Variants in NAE1 observed in about 807,000 individuals in gnomAD.
The protein encoded by NAE1 is NEDD8-activating enzyme E1 regulatory subunit.
In NAE1, 59 loss-of-function variants were observed where a neutral mutation model predicts 88.0. The observed-to-expected ratio is 0.67, with a 90% CI of 0.54 to 0.83. The LOEUF is 0.83. NAE1 is among the 40% of genes least tolerant of loss of function. The probability of loss-of-function intolerance (pLI) is 0.00; values close to 1 mark genes in which losing one functional copy is unlikely to be tolerated. For synonymous variants in NAE1, 186 were observed against 208.9 expected, an observed-to-expected ratio of 0.89 and a Z score of 0.95; for missense variants, 554 against 632.8, an observed-to-expected ratio of 0.88 and a Z score of 1.34.
At chr16:66,813,399 C>A in intron 13 of NAE1, 165 bp downstream of exon 13, 1 of 824,010 alleles carries the variant, frequency 1.2e-6, no homozygotes. Flanking sequence ...CCTTGGCCTC[C>A]CAAAGTGTTG....
In NAE1 at chr16:66,826,729, T is replaced by A. The variant is rs758818073; in HGVS notation, c.105A>T (p.Leu35=). The change falls in exon 2 of 20, where the codon CTA becomes CTT. Residue 35 remains leucine, a synonymous_variant. Coordinates refer to ENST00000290810, the MANE Select transcript of NAE1 (RefSeq NM_003905.4). ...QEALESAHVC[L]INATATGTEI... ...CAGTTCCTGTGGCTGTTGCATTTATTAGGCAAACATGAGCAGATTCTAAAG... is the reference window on the plus strand; with the variant it reads ...CAGTTCCTGTGGCTGTTGCATTTATAAGGCAAACATGAGCAGATTCTAAAG... 1.9e-5 allele frequency: 31 copies of A among 1,614,050 alleles called. No individual in the cohort carries two copies. Among genetic ancestry groups the A allele is most frequent in the Non-Finnish European group, 2.5e-5 (30 of 1,180,030 alleles).
chr16:66,810,873 C>T (rs1959769168), intron 13 of NAE1, 101 bp from the exon 14 acceptor site: 3 of 956,896 alleles, frequency 3.1e-6, no homozygotes, highest in Non-Finnish European at 4.9e-6. Flanking sequence ...TGAAAAAACA[C>T]AGGTCTGACA....
intron 11 of NAE1, 79 bp downstream of exon 11, chr16:66,816,502 A>G: frequency 9.9e-7 from 1 of 1,012,910 alleles, no homozygotes; most frequent in Non-Finnish European, 1.5e-6. Flanking sequence ...AACTTAAATC[A>G]TTATAGTCAA....
intron 1 of NAE1, 62 bp downstream of exon 1, chr16:66,830,785 G>C (rs1960662319): frequency 2.0e-6 from 3 of 1,469,568 alleles, no homozygotes; most frequent in East Asian, 5.6e-5. Context: ...CGCGCCCTTA[G>C]GCCCGGCCCG....
chr16:66,818,528 C>CT lies in NAE1; in HGVS notation c.620dup (p.Asp208GlyfsTer13). 1 of 1,606,688 alleles carries CT rather than the reference C, an allele frequency of 6.2e-7. No individual in the cohort carries two copies. Among genetic ancestry groups the CT allele is most frequent in the Non-Finnish European group, 8.5e-7 (1 of 1,177,360 alleles). On this transcript the variant is annotated frameshift_variant and splice_region_variant, in exon 8 of 20. Coordinates refer to ENST00000290810, the MANE Select transcript of NAE1 (RefSeq NM_003905.4). LOFTEE classifies it high-confidence loss of function. ...ATGTAAGGTCACACACACTACCAACCTTTTTTTCCATATGATCCAAATCAT... is the reference window on the plus strand; with the variant it reads ...ATGTAAGGTCACACACACTACCAACCTTTTTTTTCCATATGATCCAAATCAT...
chr16:66,806,096 T>C lies in NAE1; in HGVS notation c.1331-70A>G, dbSNP rs569356121. 1.5e-4 allele frequency: 219 copies of C among 1,465,092 alleles called. No individual in the cohort carries two copies. The African/African-American group carries it at 2.7e-3, about 18-fold the overall frequency. 90.8% of individuals were successfully genotyped at this position (1,465,092 alleles called of 1,614,324 possible). ...ATTAATGGCCAACTCCTTTATTTAA[T>C]CTAGTTTCAGATGTTCTAGTCAAAA... On this transcript the variant is annotated intron_variant, in intron 17 of 19. Transcript: ENST00000290810.
At chr16:66,818,668 T>G in intron 7 of NAE1, 31 bp from the exon 8 acceptor site, 1 of 1,574,298 alleles carries the variant, frequency 6.4e-7, no homozygotes, top group African/African-American at 1.4e-5. Flanking sequence ...AAGGATAAAT[T>G]TAACACTTAA....
rs1321633224 is a variant in NAE1 at position 66,830,887 on chromosome 16, C to T, written c.13G>A (p.Gly5Arg). MAQL[G>R]KLLKEQKYDR... ...TACTTCTGCTCCTTGAGCAGCTTTC[C>T]CAGCTGCGCCATGGCCGCGCCTGCC... The change falls in exon 1 of 20, where the codon GGA (glycine) becomes AGA (arginine). Residue 5 changes from glycine (G) to arginine (R), a missense_variant. Coordinates refer to ENST00000290810, the MANE Select transcript of NAE1 (RefSeq NM_003905.4). 1.3e-6 allele frequency: 2 copies of T among 1,536,794 alleles called. No homozygotes were observed. Among genetic ancestry groups the T allele is most frequent in the Non-Finnish European group, 1.7e-6 (2 of 1,150,898 alleles).
chr16:66,815,781 C>A (rs1258205259), intron 11 of NAE1, among the ~76,000 whole-genome samples: 1 of 151,926 alleles, frequency 6.6e-6, no homozygotes, highest in Non-Finnish European at 1.5e-5. Flanking sequence ...CCTGCCTCAG[C>A]CTCCCAAGCA....
Position 66,823,554 on chromosome 16 carries a change from T to C in NAE1, c.296A>G (p.Asp99Gly). Residue 99 changes from aspartate to glycine, a missense_variant, in exon 5 of 20, where the codon GAT (aspartate) becomes GGT (glycine). Transcript: ENST00000290810. ...CTCTTCCACAAAACTTCCAGAGACA[T>C]CGCTATTTAATTCTTGTAAGAATTC... Reference protein sequence around the residue: ...AMEFLQELNSDVSGSFVEESP... With the variant: ...AMEFLQELNSGVSGSFVEESP... 1 of 1,611,940 alleles carries C rather than the reference T, an allele frequency of 6.2e-7. No individual in the cohort carries two copies. Among genetic ancestry groups the C allele is most frequent in the Non-Finnish European group, 8.5e-7 (1 of 1,179,456 alleles).
intron 19 of NAE1, among the ~76,000 whole-genome samples, chr16:66,804,511 A>C (rs978597989): frequency 6.6e-6 from 1 of 152,238 alleles, no homozygotes; most frequent in African/African-American, 2.4e-5. Context: ...TGATGCATTT[A>C]CATTTTGAAC....
rs778730344 is a variant in NAE1, at chr16:66,803,018, G to T, written c.1596C>A (p.Phe532Leu). 1.9e-6 allele frequency: 3 copies of T among 1,594,966 alleles called. No individual in the cohort carries two copies. In the Admixed American group the frequency reaches 5.0e-5, roughly 27 times the overall value. The change falls in exon 20 of 20, where the codon TTC becomes TTA. Residue 532 changes from phenylalanine to leucine, a missense_variant. By Grantham distance (22) the Phe-to-Leu change is conservative. Coordinates refer to ENST00000290810, the MANE Select transcript of NAE1 (RefSeq NM_003905.4). ...YSGMSQTSAT[F>L]QL ...AAGGTGCTTGCTTACTCTACAACTG[G>T]AAAGTTGCTGAAGTTTGTGACATGC...
chr16:66,805,609 A>G (rs2145308298), intron 19 of NAE1, 168 bp downstream of exon 19: 1 of 526,048 alleles, frequency 1.9e-6, no homozygotes, highest in Non-Finnish European at 3.0e-6. Context: ...ATACACTCCA[A>G]CCTGGGCAAA....
chr16:66,815,868 G>A (rs942104803), intron 11 of NAE1, among the ~76,000 whole-genome samples: 3 of 151,628 alleles, frequency 2.0e-5, no homozygotes, highest in African/African-American at 7.3e-5. Flanking sequence ...TCACCATGTT[G>A]GCCAGGCTCG....
chr16:66,811,723 A>G (rs1236189274), intron 13 of NAE1, among the ~76,000 whole-genome samples: 1 of 152,162 alleles, frequency 6.6e-6, no homozygotes, highest in Admixed American at 6.5e-5. Context: ...CTTTACGTCT[A>G]TTTACCTTTC....
At chr16:66,815,953 C>T (rs573202792) in intron 11 of NAE1, among the ~76,000 whole-genome samples, 6 of 152,166 alleles carry the variant, frequency 3.9e-5, no homozygotes, top group African/African-American at 1.2e-4. Context: ...TGTGAGCCAC[C>T]GCGCCTGGCC....
chr16:66,808,654 C>G (rs754549391), intron 16 of NAE1, 41 bp from the exon 17 acceptor site: 1 of 1,393,240 alleles, frequency 7.2e-7, no homozygotes, highest in South Asian at 1.2e-5. Flanking sequence ...GGTTAATTTG[C>G]AATGTAACAA....
intron 7 of NAE1, among the ~76,000 whole-genome samples, chr16:66,820,720 T>C (rs935765579): frequency 4.6e-5 from 7 of 152,044 alleles, no homozygotes; most frequent in Admixed American, 1.3e-4. Flanking sequence ...GCTAACATGG[T>C]GAAACCCCAT....
At chr16:66,804,791 C>T (rs1680496960) in intron 19 of NAE1, among the ~76,000 whole-genome samples, 1 of 145,318 alleles carries the variant, frequency 6.9e-6, no homozygotes, top group Non-Finnish European at 1.5e-5. Context: ...TAAGAAGAGA[C>T]CCCAGAGACT....
Sources: gnomAD v4.1 joint callset for allele counts (sites outside exome capture counted in the v4.1 genomes callset) on GRCh38, gnomAD v4.1.1 for gene constraint, MANE v1.5 for transcripts, NCBI Gene and HGNC (gene_info 2026-07-23, HGNC 2026-07-21) for gene names.